The following GTF2I variants were observed in gnomAD, a reference collection of about 807,000 sequenced individuals.
The protein encoded by GTF2I is general transcription factor II-I.
Under a neutral mutation model 67.6 loss-of-function variants are expected in GTF2I, and 12 were observed. The observed-to-expected ratio is 0.18, with a 90% CI of 0.11 to 0.29. GTF2I has a LOEUF of 0.29. Ranked by LOEUF, GTF2I falls within the 10% of genes least tolerant of loss-of-function variation. The pLI is 1.00. For synonymous variants in GTF2I, 149 were observed against 197.0 expected (o/e 0.76, Z 2.04); for missense variants, 271 against 580.1 (o/e 0.47, Z 5.47).
Position 74,705,144 on chromosome 7 carries a change from T to A in GTF2I, c.587-20T>A. ...TGAAATGTTGAAAAACTAACTCCAA[T>A]TTTTTTTTTTTGTATGTAGGTGGTC... is the stretch of plus-strand genomic sequence containing the variant. On this transcript the variant is annotated intron_variant, in intron 6 of 34. Transcript: ENST00000573035. 1.5e-6 allele frequency: 1 copy of A among 649,002 alleles called. No homozygotes were observed. Among genetic ancestry groups the A allele is most frequent in the Non-Finnish European group, 2.3e-6 (1 of 435,384 alleles). 40.2% of individuals were successfully genotyped at this position (649,002 alleles called of 1,614,324 possible).
Position 74,700,381 on chromosome 7 carries a change from C to T in GTF2I, c.508C>T (p.Leu170=). ...CCCCGAGAACTATGATCTTGCAACC[C>T]TGAAATGGATTTTGGAGAACAAAGC... is the stretch of plus-strand genomic sequence containing the variant. ...KHPENYDLAT[L]KWILENKAGI... Residue 170 remains leucine, a synonymous_variant, in exon 5 of 35, where the codon CTG becomes TTG. Coordinates refer to ENST00000573035, the MANE Select transcript of GTF2I (RefSeq NM_032999.4). 1 of 1,614,076 alleles carries T rather than the reference C, an allele frequency of 6.2e-7. No homozygotes were observed. The highest frequency in any genetic ancestry group is 8.5e-7 in the Non-Finnish European group (1 of 1,180,026).
At chr7:74,695,768 C>T (rs1290078294) in intron 3 of GTF2I, among the ~76,000 whole-genome samples, 2 of 151,786 alleles carry the variant, frequency 1.3e-5, no homozygotes, top group African/African-American at 4.8e-5. Flanking sequence ...GATTATGTTT[C>T]TGTGTTTCTT....
chr7:74,721,191 G>A (rs1483526181), intron 12 of GTF2I, among the ~76,000 whole-genome samples: 1 of 152,116 alleles, frequency 6.6e-6, no homozygotes, highest in Non-Finnish European at 1.5e-5. Context: ...ACAGGCATGC[G>A]CCGCCATGCT....
At chr7:74,660,803 T>C (rs1804419398) in intron 1 of GTF2I, among the ~76,000 whole-genome samples, 1 of 151,804 alleles carries the variant, frequency 6.6e-6, no homozygotes, top group Admixed American at 6.6e-5. Flanking sequence ...ACTTTTACTT[T>C]CCTCTGCATC....
intron 8 of GTF2I, among the ~76,000 whole-genome samples, chr7:74,709,440 TAG>T (rs1791225872): frequency 6.6e-6 from 1 of 152,056 alleles, no homozygotes; most frequent in South Asian, 2.1e-4. Flanking sequence ...TTTATTTTAG[TAG>T]AGACGGGGTT....
chr7:74,700,032 T>C, intron 4 of GTF2I: 1 of 502,196 alleles, frequency 2.0e-6, no homozygotes, highest in Non-Finnish European at 3.5e-6. Flanking sequence ...TAAAGTAAAA[T>C]ATTTTATCTA....
At chr7:74,726,501 A>G (rs1793796694) in intron 12 of GTF2I, 1 of 152,182 alleles carries the variant, frequency 6.6e-6, no homozygotes, top group Non-Finnish European at 1.5e-5. Context: ...ACAGTCATAC[A>G]AACCCAGGTG....
intron 1 of GTF2I, among the ~76,000 whole-genome samples, chr7:74,676,842 G>A (rs1358535681): frequency 6.6e-6 from 1 of 152,102 alleles, no homozygotes; most frequent in Non-Finnish European, 1.5e-5. Flanking sequence ...AATCACTTGA[G>A]GTCAGGAGTT....
chr7:74,720,358 C>T (rs1472798041), intron 12 of GTF2I, among the ~76,000 whole-genome samples: 2 of 152,198 alleles, frequency 1.3e-5, no homozygotes, highest in Non-Finnish European at 2.9e-5. Context: ...TGTTTGACTA[C>T]TCCAAACTAC....
intron 12 of GTF2I, among the ~76,000 whole-genome samples, chr7:74,719,372 A>G (rs1346536908): frequency 6.6e-6 from 1 of 152,176 alleles, no homozygotes; most frequent in Non-Finnish European, 1.5e-5. Flanking sequence ...GCCCCCTTCA[A>G]CGACCCGCAA....
At chr7:74,715,303 T>A (rs186545641) in intron 10 of GTF2I, among the ~76,000 whole-genome samples, 91 of 152,206 alleles carry the variant, frequency 6.0e-4, no homozygotes, top group Admixed American at 1.7e-3. Context: ...CTTGTTAATC[T>A]GTAAGTTTCG....
intron 11 of GTF2I, among the ~76,000 whole-genome samples, chr7:74,717,742 A>G (rs1462284676): frequency 6.6e-6 from 1 of 152,228 alleles, no homozygotes; most frequent in African/African-American, 2.4e-5. Context: ...TTTTAATTAA[A>G]AAAAAACATT....
intron 1 of GTF2I, among the ~76,000 whole-genome samples, chr7:74,660,478 C>T (rs587757364): frequency 3.0e-4 from 46 of 152,306 alleles, no homozygotes; most frequent in Admixed American, 2.2e-3. Context: ...AGGCGTGAGC[C>T]ACCGCTCCCG....
Position 74,725,813 on chromosome 7 carries a change from AAGCACTCT to A in GTF2I, c.944-2970_944-2963del, listed in dbSNP as rs1243257747. Among the ~76,000 whole-genome samples the A allele has an allele frequency of 4.6e-5, 7 of 152,034 alleles. No individual in the cohort carries two copies. The South Asian group carries it at 8.3e-4, about 18-fold the overall frequency. ...TTTTACAGTCTTTGTTGTATTAAAA[AAGCACTCT>A]AGTAGATTTGCCTTTTTCTCTTTCT... On this transcript the variant is annotated intron_variant, in intron 12 of 34. Transcript: ENST00000573035.
intron 20 of GTF2I, 92 bp downstream of exon 20, chr7:74,743,612 A>ACG (rs1554408566): frequency 3.2e-6 from 2 of 622,360 alleles, no homozygotes; most frequent in Non-Finnish European, 3.0e-6. Context: ...AGCCGGGTGC[A>ACG]GTGGCTCACG....
chr7:74,666,944 C>T (rs1805037625), intron 1 of GTF2I, among the ~76,000 whole-genome samples: 1 of 152,018 alleles, frequency 6.6e-6, no homozygotes, highest in Non-Finnish European at 1.5e-5. Flanking sequence ...CGCACCACTG[C>T]ACTCCAGCCT....
At position 74,696,555 on chromosome 7, in the gene GTF2I, C is replaced by T. The variant is rs587741921; in HGVS notation, c.239-2406C>T. 6.6e-5 allele frequency among the ~76,000 whole-genome samples: 10 copies of T among 151,436 alleles called. No individual in the cohort carries two copies. The East Asian group carries it at 1.8e-3, about 27-fold the overall frequency. Reference sequence around the variant, plus strand: ...TCGCCCAGGCTAGAGTGCAGTGGCACGATCTCAGCTCACTGCAAGCTTCAC... The same window carrying T: ...TCGCCCAGGCTAGAGTGCAGTGGCATGATCTCAGCTCACTGCAAGCTTCAC... On this transcript the variant is annotated intron_variant, in intron 3 of 34. Coordinates refer to ENST00000573035, the MANE Select transcript of GTF2I (RefSeq NM_032999.4).
At chr7:74,659,458 C>T (rs1045598411) in intron 1 of GTF2I, among the ~76,000 whole-genome samples, 1 of 150,794 alleles carries the variant, frequency 6.6e-6, no homozygotes, top group Non-Finnish European at 1.5e-5. Flanking sequence ...GGTGTGATCT[C>T]GGCTCACTGC....
chr7:74,723,875 C>A (rs1793433249), intron 12 of GTF2I, among the ~76,000 whole-genome samples: 1 of 150,930 alleles, frequency 6.6e-6, no homozygotes, highest in African/African-American at 2.4e-5. Flanking sequence ...AAAGAGAAGA[C>A]CTAGAGCAGT....
Sources: gnomAD v4.1 joint callset for allele counts (sites outside exome capture counted in the v4.1 genomes callset) on GRCh38, gnomAD v4.1.1 for gene constraint, MANE v1.5 for transcripts, NCBI Gene and HGNC (gene_info 2026-07-23, HGNC 2026-07-21) for gene names.